The following MGAT4C variants were observed in gnomAD, a reference collection of about 807,000 sequenced individuals.
MGAT4C encodes the protein alpha-1,3-mannosyl-glycoprotein 4-beta-N-acetylglucosaminyltransferase C.
A neutral mutation model predicts 40.1 loss-of-function variants in MGAT4C; 19 were observed. The ratio of observed to expected loss-of-function variants is 0.47; its 90% CI spans 0.33 to 0.70. The LOEUF (loss-of-function observed/expected upper bound fraction) is 0.70. MGAT4C is among the 30% of genes least tolerant of loss of function. The probability of loss-of-function intolerance (pLI) is 0.02; values close to 1 mark genes in which losing one functional copy is unlikely to be tolerated. For missense variants in MGAT4C, 491 were observed against 563.2 expected, an observed-to-expected ratio of 0.87 and a Z score of 1.30; for synonymous variants, 181 against 187.1, an observed-to-expected ratio of 0.97 and a Z score of 0.27.
intron 1 of MGAT4C, among the ~76,000 whole-genome samples, chr12:86,769,675 C>G (rs1565978011): frequency 6.6e-6 from 1 of 152,050 alleles, no homozygotes; most frequent in Non-Finnish European, 1.5e-5. Context: ...CCATGGAATA[C>G]TATGCAGCCA....
Position 86,114,409 on chromosome 12 carries a change from C to T in MGAT4C, c.-56-64686G>A, listed in dbSNP as rs115699466. On this transcript the variant is annotated intron_variant, in intron 1 of 4. Transcript: ENST00000611864. ...GTGTTAACTCTTCAACAGAGGTTTG[C>T]GAGCATGACATGCAACATGACATTT... is the stretch of plus-strand genomic sequence containing the variant. Among the ~76,000 whole-genome samples, 412 of 151,520 alleles carry T rather than the reference C, an allele frequency of 2.7e-3. 2 individuals carry two copies. The highest frequency in any genetic ancestry group is 9.2e-3 in the African/African-American group (379 of 41,358).
At chr12:86,057,205 T>C (rs1223372123) in intron 1 of MGAT4C, among the ~76,000 whole-genome samples, 1 of 152,080 alleles carries the variant, frequency 6.6e-6, no homozygotes, top group Non-Finnish European at 1.5e-5. Flanking sequence ...AGAGACAGGG[T>C]CTAGCTCTGT....
intron 2 of MGAT4C, among the ~76,000 whole-genome samples, chr12:86,632,095 G>A (rs531139260): frequency 4.1e-4 from 63 of 152,094 alleles, no homozygotes; most frequent in Admixed American, 8.5e-4. Context: ...AGTGGGCAAA[G>A]GATATGAACA....
At chr12:86,236,774 G>C (rs1399083979) in intron 1 of MGAT4C, among the ~76,000 whole-genome samples, 4 of 151,862 alleles carry the variant, frequency 2.6e-5, no homozygotes, top group African/African-American at 9.7e-5. Flanking sequence ...AAACACAAAA[G>C]TTGATTCTAG....
rs574962023 is a variant in MGAT4C, at chr12:86,651,498, AT to A, written c.-229+75710del. Among the ~76,000 whole-genome samples the A allele has an allele frequency of 3.3e-5, 5 of 151,986 alleles. No homozygotes were observed. The South Asian group carries it at 1.0e-3, about 31-fold the overall frequency. On this transcript the variant is annotated intron_variant, in intron 2 of 7. Coordinates refer to the MGAT4C transcript ENST00000548651. ...TAACTCCATTAATATTTTGAGTATTATTTTTTAATTGGCAATCTAGAATTCA... is the reference window on the plus strand; with the variant it reads ...TAACTCCATTAATATTTTGAGTATTATTTTTAATTGGCAATCTAGAATTCA...
intron 1 of MGAT4C, among the ~76,000 whole-genome samples, chr12:86,099,130 C>A (rs958940831): frequency 6.6e-6 from 1 of 151,020 alleles, no homozygotes; most frequent in South Asian, 2.1e-4. Context: ...TCAATAACTC[C>A]TTTATTTATT....
intron 1 of MGAT4C, among the ~76,000 whole-genome samples, chr12:86,734,061 G>A (rs1248890317): frequency 6.6e-6 from 1 of 152,066 alleles, no homozygotes; most frequent in Non-Finnish European, 1.5e-5. Context: ...GTAGGATCTG[G>A]CAACAAGTTA....
chr12:86,656,312 T>G (rs1963849483), intron 2 of MGAT4C, among the ~76,000 whole-genome samples: 1 of 151,956 alleles, frequency 6.6e-6, no homozygotes, highest in African/African-American at 2.4e-5. Flanking sequence ...TGAGTATATT[T>G]AACAATAAAA....
chr12:86,401,119 T>C (rs61949485), intron 3 of MGAT4C, among the ~76,000 whole-genome samples: 14,974 of 152,118 alleles, frequency 0.098, 995 homozygotes, highest in Middle Eastern at 0.25. Context: ...TTAATAATAG[T>C]GTTTACATAG....
intron 2 of MGAT4C, among the ~76,000 whole-genome samples, chr12:86,602,885 T>A (rs1241478801): frequency 3.0e-4 from 9 of 29,728 alleles, no homozygotes; most frequent in African/African-American, 1.8e-3. Flanking sequence ...CCCATCTGCG[T>A]GTGTGTGTGT....
chr12:86,353,631 C>G (rs1955230645), intron 3 of MGAT4C, among the ~76,000 whole-genome samples: 1 of 152,184 alleles, frequency 6.6e-6, no homozygotes, highest in African/African-American at 2.4e-5. Flanking sequence ...GGTCATGAAG[C>G]TGCATTTCCA....
chr12:86,526,383 A>AAC (rs200834477), intron 2 of MGAT4C, among the ~76,000 whole-genome samples: 36 of 152,156 alleles, frequency 2.4e-4, no homozygotes, highest in East Asian at 5.8e-4. Flanking sequence ...CAAGAAAAGC[A>AAC]ACACACACAC....
chr12:86,412,077 G>T (rs1363309062), intron 3 of MGAT4C, among the ~76,000 whole-genome samples: 1 of 152,212 alleles, frequency 6.6e-6, no homozygotes, highest in Non-Finnish European at 1.5e-5. Flanking sequence ...GTCAGAAGAT[G>T]TATCTATGTA....
At chr12:86,086,826 T>C (rs1871938504) in intron 1 of MGAT4C, among the ~76,000 whole-genome samples, 1 of 152,044 alleles carries the variant, frequency 6.6e-6, no homozygotes, top group Admixed American at 6.6e-5. Flanking sequence ...TCCTCTCCCA[T>C]TACATTTCCA....
At chr12:86,431,684 A>G (rs1302702977) in intron 3 of MGAT4C, among the ~76,000 whole-genome samples, 1 of 152,312 alleles carries the variant, frequency 6.6e-6, no homozygotes, top group South Asian at 2.1e-4. Context: ...AGTATACTGT[A>G]GAGTATCAAT....
chr12:85,960,532 C>G lies in MGAT4C; in HGVS notation c.*18757G>C. 6.6e-6 allele frequency: 1 copy of G among 151,972 alleles called. No individual in the cohort carries two copies. Among genetic ancestry groups the G allele is most frequent in the East Asian group, 1.9e-4 (1 of 5,192 alleles). The allele number at this position is 151,972 out of a possible 1,614,324, so 9.4% of individuals were successfully genotyped here. A position where few individuals can be genotyped will look rare whatever the true frequency, so the allele number is the denominator to read the frequency against. ...TCAGCAAATCAATTAATCCTTCATTCTTTTTTTCTCCCCTTACTCCTTTGA... is the reference window on the plus strand; with the variant it reads ...TCAGCAAATCAATTAATCCTTCATTGTTTTTTTCTCCCCTTACTCCTTTGA... On this transcript the variant is annotated 3_prime_UTR_variant, in exon 5 of 5. Transcript: ENST00000611864.
intron 4 of MGAT4C, among the ~76,000 whole-genome samples, chr12:86,293,482 A>T (rs7134946): frequency 0.65 from 98,744 of 152,020 alleles, 32,933 homozygotes; most frequent in South Asian, 0.78. Flanking sequence ...CAGGATTTTA[A>T]TTTTTTTGAC....
intron 1 of MGAT4C, among the ~76,000 whole-genome samples, chr12:86,210,697 T>A (rs923238743): frequency 6.6e-6 from 1 of 152,214 alleles, no homozygotes; most frequent in Non-Finnish European, 1.5e-5. Context: ...AGTGCCAAAC[T>A]TTTTTGCATT....
chr12:86,598,700 G>T (rs1241015039), intron 2 of MGAT4C, among the ~76,000 whole-genome samples: 3 of 152,018 alleles, frequency 2.0e-5, no homozygotes, highest in Non-Finnish European at 2.9e-5. Context: ...ACCCTAAAAG[G>T]TATTATTATA....
Sources: allele counts gnomAD v4.1 joint callset (sites outside exome capture counted in the v4.1 genomes callset), GRCh38; gene constraint gnomAD v4.1.1; transcripts MANE v1.5; gene names NCBI Gene and HGNC (gene_info 2026-07-23, HGNC 2026-07-21).